The following SULT1C3 variants were observed in gnomAD, a reference collection of about 807,000 sequenced individuals.
SULT1C3 encodes the protein sulfotransferase family 1C member 3.
SULT1C3 carries 31 observed loss-of-function variants against 28.4 expected under a neutral mutation model. That is an observed-to-expected ratio of 1.09 (90% CI 0.82 to 1.47). The LOEUF (loss-of-function observed/expected upper bound fraction) is 1.47. Ranked by LOEUF, SULT1C3 falls within the 40% of genes most tolerant of loss-of-function variation. The pLI is 0.00. For missense variants in SULT1C3, 307 were observed against 272.5 expected (o/e 1.13, Z -0.89); for synonymous variants, 106 against 92.2 (o/e 1.15, Z -0.86).
At chr2:108,249,850 G>A (rs566285943) in intron 2 of SULT1C3, among the ~76,000 whole-genome samples, 1 of 152,136 alleles carries the variant, frequency 6.6e-6, no homozygotes, top group Admixed American at 6.6e-5. Flanking sequence ...ACATTCAAAA[G>A]ACTGTGATAC....
chr2:108,250,895 G>A (rs1162664662), intron 2 of SULT1C3, among the ~76,000 whole-genome samples: 1 of 151,996 alleles, frequency 6.6e-6, no homozygotes, highest in Non-Finnish European at 1.5e-5. Context: ...GTTCCGTGGA[G>A]TCGGAAGTGA....
At chr2:108,252,551 G>A in intron 3 of SULT1C3, 58 bp downstream of exon 3, 2 of 1,597,504 alleles carry the variant, frequency 1.3e-6, no homozygotes, top group Non-Finnish European at 1.7e-6. Context: ...AGAGCAATGT[G>A]TACTGTCTCT....
At chr2:108,240,630 T>G (rs1675443113) in intron 1 of SULT1C3, among the ~76,000 whole-genome samples, 1 of 152,180 alleles carries the variant, frequency 6.6e-6, no homozygotes, top group Admixed American at 6.5e-5. Flanking sequence ...TTGATTCAGA[T>G]TTTTACATTA....
intron 5 of SULT1C3, 116 bp from the exon 6 acceptor site, chr2:108,258,618 C>T (rs888443891): frequency 1.9e-5 from 14 of 722,630 alleles, no homozygotes; most frequent in East Asian, 2.6e-5. Flanking sequence ...ATTTCCACTT[C>T]GTTAAGGAAC....
chr2:108,256,183 A>G (rs542573602), intron 5 of SULT1C3, among the ~76,000 whole-genome samples: 31 of 152,150 alleles, frequency 2.0e-4, no homozygotes, highest in African/African-American at 7.2e-4. Context: ...ATTAGCAGCC[A>G]TGACCCCTCA....
rs543340044 is a variant in SULT1C3 at position 108,256,353 on chromosome 2, T to C, written c.526+655T>C. Among the ~76,000 whole-genome samples the C allele has an allele frequency of 3.9e-4, 60 of 152,146 alleles. 1 individual carries two copies. In the South Asian group the frequency reaches 0.012, roughly 31 times the overall value. The stretch of plus-strand genomic sequence containing the variant: ...AATATCTCATGAAAACAACAATCTC[T>C]AGACAGAAGAAAGATAAGATGGCTA... On this transcript the variant is annotated intron_variant, in intron 5 of 7. Coordinates refer to ENST00000681802, the MANE Select transcript of SULT1C3 (RefSeq NM_001320878.2).
chr2:108,264,134 G>C (rs751628562), downstream of SULT1C3, among the ~76,000 whole-genome samples: 7 of 152,094 alleles, frequency 4.6e-5, no homozygotes, highest in Non-Finnish European at 1.0e-4. Context: ...TGGGACAGTG[G>C]ACTGATTTCT....
At chr2:108,248,292 A>C (rs1300722707) in intron 2 of SULT1C3, among the ~76,000 whole-genome samples, 1 of 152,154 alleles carries the variant, frequency 6.6e-6, no homozygotes, top group Non-Finnish European at 1.5e-5. Context: ...GCCATGCCGA[A>C]GGGACAAGAT....
chr2:108,256,204 A>C (rs17819977), intron 5 of SULT1C3, among the ~76,000 whole-genome samples: 38,997 of 151,958 alleles, frequency 0.26, 6,287 homozygotes, highest in South Asian at 0.39. Context: ...TCCATTTATT[A>C]AGATCACACC....
chr2:108,241,432 C>A (rs1311556805), intron 1 of SULT1C3, among the ~76,000 whole-genome samples: 1 of 152,260 alleles, frequency 6.6e-6, no homozygotes, highest in East Asian at 1.9e-4. Flanking sequence ...TTATTAAAAG[C>A]CATAAATAGT....
At chr2:108,248,166 G>A (rs1188996261) in intron 2 of SULT1C3, among the ~76,000 whole-genome samples, 1 of 152,084 alleles carries the variant, frequency 6.6e-6, no homozygotes, top group Admixed American at 6.6e-5. Flanking sequence ...CATGTAGAAG[G>A]ATACAAGAAC....
At chr2:108,257,999 G>A (rs2104391848) in intron 5 of SULT1C3, among the ~76,000 whole-genome samples, 2 of 152,076 alleles carry the variant, frequency 1.3e-5, no homozygotes, top group Middle Eastern at 6.8e-3. Flanking sequence ...TTGCTCACTT[G>A]GTCTGTGGTC....
chr2:108,256,888 A>G (rs1410627691), intron 5 of SULT1C3, among the ~76,000 whole-genome samples: 1 of 152,100 alleles, frequency 6.6e-6, no homozygotes, highest in Non-Finnish European at 1.5e-5. Context: ...TAGCAAATCT[A>G]GATAGGACTC....
intron 1 of SULT1C3, among the ~76,000 whole-genome samples, chr2:108,242,017 C>G (rs990706524): frequency 6.6e-6 from 1 of 151,028 alleles, no homozygotes; most frequent in Non-Finnish European, 1.5e-5. Context: ...CAGACAGAAA[C>G]GCAAATAAAG....
At chr2:108,249,651 C>T (rs548057500) in intron 2 of SULT1C3, among the ~76,000 whole-genome samples, 5 of 152,090 alleles carry the variant, frequency 3.3e-5, no homozygotes, top group East Asian at 1.9e-4. Flanking sequence ...ACCCTATCTA[C>T]GGATCAAAAG....
chr2:108,254,422 T>C (rs562965833), intron 4 of SULT1C3, among the ~76,000 whole-genome samples: 9 of 152,092 alleles, frequency 5.9e-5, no homozygotes, highest in Non-Finnish European at 1.2e-4. Context: ...CTGAGTGAGT[T>C]TCATGTATCT....
chr2:108,246,979 G>A (rs1372689869), intron 1 of SULT1C3, among the ~76,000 whole-genome samples: 1 of 151,966 alleles, frequency 6.6e-6, no homozygotes, highest in Non-Finnish European at 1.5e-5. Flanking sequence ...TCCACATGTA[G>A]AAAACAGAAA....
chr2:108,250,950 T>G (rs1052682495), intron 2 of SULT1C3, among the ~76,000 whole-genome samples: 2 of 152,070 alleles, frequency 1.3e-5, no homozygotes, highest in African/African-American at 4.8e-5. Context: ...TCTACTCTTA[T>G]CTATGGTAAT....
chr2:108,258,048 G>A (rs1447427410), intron 5 of SULT1C3, among the ~76,000 whole-genome samples: 6 of 152,162 alleles, frequency 3.9e-5, no homozygotes, highest in Non-Finnish European at 5.9e-5. Flanking sequence ...TCCTTCAGAC[G>A]AATCTTCAAG....
Sources: allele counts gnomAD v4.1 joint callset (sites outside exome capture counted in the v4.1 genomes callset), GRCh38; gene constraint gnomAD v4.1.1; transcripts MANE v1.5; gene names NCBI Gene and HGNC (gene_info 2026-07-23, HGNC 2026-07-21).